The following PDE11A variants were observed in gnomAD, a reference collection of about 807,000 sequenced individuals.
PDE11A encodes dual 3',5'-cyclic-AMP and -GMP phosphodiesterase 11A.
In PDE11A, 100 loss-of-function variants were observed where a neutral mutation model predicts 100.5. The observed-to-expected ratio is 1.00, with a 90% confidence interval of 0.85 to 1.18. The LOEUF is 1.18. Among genes scored for constraint, PDE11A ranks in the 50% most tolerant of loss-of-function variants. The probability of loss-of-function intolerance (pLI) is 0.00; values close to 1 mark genes in which losing one functional copy is unlikely to be tolerated. For synonymous variants in PDE11A, 381 were observed against 420.8 expected, an observed-to-expected ratio of 0.91 and a Z score of 1.16; for missense variants, 1,141 against 1,152.6, an observed-to-expected ratio of 0.99 and a Z score of 0.15.
rs577615689 is a variant in PDE11A at position 177,897,840 on chromosome 2, T to C, written c.1302+218A>G. ...AAAGGCCTGGGTTAGATCTCTAAAG[T>C]CCCTGTTAGCTTAAAAGTCTATGTT... On this transcript the variant is annotated intron_variant, in intron 4 of 19. Transcript: ENST00000286063. Among the ~76,000 whole-genome samples, 3 of 152,268 alleles carry C rather than the reference T, an allele frequency of 2.0e-5. No individual in the cohort carries two copies. In the East Asian group the frequency reaches 5.8e-4, roughly 29 times the overall value.
At chr2:177,856,658 A>G (rs764512747) in intron 5 of PDE11A, among the ~76,000 whole-genome samples, 7 of 152,060 alleles carry the variant, frequency 4.6e-5, no homozygotes, top group Non-Finnish European at 8.8e-5. Flanking sequence ...AACAGAAATA[A>G]AAAATTCACT....
At chr2:177,876,635 T>C (rs1367208726) in intron 4 of PDE11A, among the ~76,000 whole-genome samples, 1 of 148,392 alleles carries the variant, frequency 6.7e-6, no homozygotes, top group African/African-American at 2.6e-5. Flanking sequence ...TTATTATAAA[T>C]CTAAAGTAGA....
intron 5 of PDE11A, among the ~76,000 whole-genome samples, chr2:177,875,356 CATTT>C (rs962502106): frequency 3.2e-4 from 49 of 151,768 alleles, no homozygotes; most frequent in African/African-American, 2.2e-4. Flanking sequence ...GATGTATATG[CATTT>C]ATTTATTTAT....
At chr2:178,077,822 A>T (rs1353697317) in intron 2 of PDE11A, among the ~76,000 whole-genome samples, 1 of 152,144 alleles carries the variant, frequency 6.6e-6, no homozygotes, top group African/African-American at 2.4e-5. Context: ...AGGTAGTATG[A>T]AGACTGAGGT....
At chr2:178,044,030 G>A (rs554073202) in intron 1 of PDE11A, among the ~76,000 whole-genome samples, 21 of 152,276 alleles carry the variant, frequency 1.4e-4, no homozygotes, top group Non-Finnish European at 2.8e-4. Context: ...TCAGCCTAAT[G>A]TACTAGGACA....
intron 2 of PDE11A, among the ~76,000 whole-genome samples, chr2:177,964,867 A>G (rs10182150): frequency 3.3e-5 from 5 of 152,192 alleles, no homozygotes; most frequent in Admixed American, 2.6e-4. Context: ...AATGATTTCT[A>G]TTCCTTTGGG....
chr2:178,075,929 TC>T (rs2087202736), upstream of PDE11A, among the ~76,000 whole-genome samples: 1 of 152,152 alleles, frequency 6.6e-6, no homozygotes, highest in Non-Finnish European at 1.5e-5. Context: ...GAAATATAGC[TC>T]CATATAATTT....
intron 1 of PDE11A, among the ~76,000 whole-genome samples, chr2:178,017,304 T>C (rs1214123191): frequency 1.3e-5 from 2 of 152,348 alleles, no homozygotes; most frequent in East Asian, 3.9e-4. Context: ...CGTGAAGCCA[T>C]TTGAATGTTG....
intron 17 of PDE11A, among the ~76,000 whole-genome samples, chr2:177,673,709 A>G (rs2080722001): frequency 6.6e-6 from 1 of 152,102 alleles, no homozygotes; most frequent in East Asian, 1.9e-4. Context: ...CTGGAGGGAG[A>G]ATGAATCACA....
intron 9 of PDE11A, among the ~76,000 whole-genome samples, chr2:177,805,826 G>A (rs17329062): frequency 0.21 from 31,979 of 152,048 alleles, 3,528 homozygotes; most frequent in Non-Finnish European, 0.24. Flanking sequence ...GATTATCACT[G>A]CCTTCATAAC....
intron 2 of PDE11A, among the ~76,000 whole-genome samples, chr2:178,095,714 G>T (rs2087479970): frequency 6.6e-6 from 1 of 152,190 alleles, no homozygotes; most frequent in Non-Finnish European, 1.5e-5. Context: ...CTTCTGCCTG[G>T]ACATCCAGGT....
intron 5 of PDE11A, among the ~76,000 whole-genome samples, chr2:177,869,546 G>A (rs1430995433): frequency 2.0e-5 from 3 of 152,154 alleles, no homozygotes; most frequent in African/African-American, 7.2e-5. Context: ...TCTGTTTTAA[G>A]GGTTCACATG....
chr2:177,946,313 G>C (rs1167156662), intron 2 of PDE11A, among the ~76,000 whole-genome samples: 54 of 127,816 alleles, frequency 4.2e-4, no homozygotes, highest in African/African-American at 1.7e-3. Flanking sequence ...CAGCCGCCCC[G>C]TCCGGGAGGG....
chr2:177,640,241 A>T (rs999351752), intron 19 of PDE11A, among the ~76,000 whole-genome samples: 1 of 152,172 alleles, frequency 6.6e-6, no homozygotes, highest in African/African-American at 2.4e-5. Flanking sequence ...TATCTTACGT[A>T]TCTGTTTGAG....
chr2:177,696,732 G>T (rs1265258772), intron 15 of PDE11A, among the ~76,000 whole-genome samples: 1 of 152,134 alleles, frequency 6.6e-6, no homozygotes, highest in African/African-American at 2.4e-5. Context: ...GGAGTGACAG[G>T]CTTTGGTCTT....
At chr2:177,851,699 C>T (rs1179632559) in intron 5 of PDE11A, among the ~76,000 whole-genome samples, 2 of 152,090 alleles carry the variant, frequency 1.3e-5, no homozygotes, top group Non-Finnish European at 2.9e-5. Flanking sequence ...CAAACTACAT[C>T]CATACAGATG....
intron 1 of PDE11A, among the ~76,000 whole-genome samples, chr2:178,046,015 C>T (rs186606770): frequency 1.8e-4 from 27 of 152,278 alleles, no homozygotes; most frequent in African/African-American, 6.5e-4. Flanking sequence ...TGGTCTCTGC[C>T]TCTTACTAGC....
chr2:177,705,039 AC>A (rs1365220261), intron 13 of PDE11A, among the ~76,000 whole-genome samples: 2 of 152,188 alleles, frequency 1.3e-5, no homozygotes, highest in South Asian at 4.2e-4. Context: ...GCAAAGTTTC[AC>A]CATGTTGGCC....
chr2:177,786,959 ACT>A, intron 9 of PDE11A, among the ~76,000 whole-genome samples: 1 of 149,680 alleles, frequency 6.7e-6, no homozygotes, highest in Non-Finnish European at 1.5e-5. Context: ...GTTGGAAAAC[ACT>A]CTGCAGGACA....
Sources: allele counts gnomAD v4.1 joint callset (sites outside exome capture counted in the v4.1 genomes callset), GRCh38; gene constraint gnomAD v4.1.1; transcripts MANE v1.5; gene names NCBI Gene and HGNC (gene_info 2026-07-23, HGNC 2026-07-21).